Variants in CUX1 observed in about 807,000 individuals in gnomAD.
CUX1 encodes the protein cut like homeobox 1, also known as protein CASP.
In CUX1, 31 loss-of-function variants were observed where a neutral mutation model predicts 158.8. That is an observed-to-expected ratio of 0.20 (90% CI 0.15 to 0.26). CUX1 has a LOEUF of 0.26. CUX1 is among the 10% of genes least tolerant of loss of function. CUX1 has a pLI of 1.00. For missense variants in CUX1, 1,589 were observed against 2,014.6 expected, an observed-to-expected ratio of 0.79 and a Z score of 4.04; for synonymous variants, 879 against 862.1, an observed-to-expected ratio of 1.02 and a Z score of -0.34.
chr7:101,836,915 A>G (rs1794699479), intron 1 of CUX1, among the ~76,000 whole-genome samples: 1 of 151,978 alleles, frequency 6.6e-6, no homozygotes, highest in Non-Finnish European at 1.5e-5. Flanking sequence ...GATGGAAGGA[A>G]CCTGGGCCCT....
intron 4 of CUX1, among the ~76,000 whole-genome samples, chr7:102,080,749 C>T (rs546748650): frequency 5.9e-5 from 9 of 152,338 alleles, no homozygotes; most frequent in Admixed American, 2.0e-4. Context: ...TGTGTCCTTT[C>T]TTCTCACAGG....
At chr7:101,913,459 G>A (rs971985686) in intron 1 of CUX1, 77 of 1,200,096 alleles carry the variant, frequency 6.4e-5, no homozygotes, top group Middle Eastern at 4.6e-4. Flanking sequence ...CTTGCACCGG[G>A]CCACCTGTTT....
intron 20 of CUX1, among the ~76,000 whole-genome samples, chr7:102,219,653 C>T (rs1269194003): frequency 2.0e-5 from 3 of 152,150 alleles, no homozygotes; most frequent in Non-Finnish European, 4.4e-5. Context: ...CTCTGATATT[C>T]CTTAGGATGT....
Position 101,963,666 on chromosome 7 carries a change from T to A in CUX1, c.141+47441T>A, listed in dbSNP as rs567287576. On this transcript the variant is annotated intron_variant, in intron 2 of 23. Coordinates refer to ENST00000292535, the MANE Select transcript of CUX1 (RefSeq NM_181552.4). ...CAAGCCTATGTATATATATATATATTTTAAGAGACCAGGTCTTGCTCTGTT... is the reference window on the plus strand; with the variant it reads ...CAAGCCTATGTATATATATATATATATTAAGAGACCAGGTCTTGCTCTGTT... 1.7e-4 allele frequency among the ~76,000 whole-genome samples: 26 copies of A among 152,144 alleles called. No individual in the cohort carries two copies. In the Middle Eastern group the frequency reaches 0.01, roughly 60 times the overall value.
chr7:102,010,611 A>T (rs149035697), intron 2 of CUX1, among the ~76,000 whole-genome samples: 1 of 152,112 alleles, frequency 6.6e-6, no homozygotes, highest in African/African-American at 2.4e-5. Context: ...ACTCGTTTGT[A>T]TGTGTGTGTG....
intron 1 of CUX1, among the ~76,000 whole-genome samples, chr7:101,834,055 G>A (rs534369642): frequency 7.2e-5 from 11 of 152,110 alleles, no homozygotes; most frequent in African/African-American, 2.6e-4. Flanking sequence ...GATTCTTCCA[G>A]GGAAGAATCT....
rs140337237 is a variant in CUX1 at position 102,011,167 on chromosome 7, C to T, written c.142-16931C>T. On this transcript the variant is annotated intron_variant, in intron 2 of 23. Coordinates refer to ENST00000292535, the MANE Select transcript of CUX1 (RefSeq NM_181552.4). ...TATTGTTATTGACGGTCTCTTTGTT[C>T]GAGTAAGCCGTCTCTGGATATATCA... is the stretch of plus-strand genomic sequence containing the variant. Among the ~76,000 whole-genome samples the T allele has an allele frequency of 3.9e-5, 6 of 152,032 alleles. No individual in the cohort carries two copies. In the East Asian group the frequency reaches 1.2e-3, roughly 29 times the overall value.
At chr7:102,230,239 G>A (rs957516440) in intron 21 of CUX1, among the ~76,000 whole-genome samples, 2 of 152,018 alleles carry the variant, frequency 1.3e-5, no homozygotes, top group Non-Finnish European at 2.9e-5. Flanking sequence ...ACTTTGGGAG[G>A]CTGAGGCAGG....
chr7:102,249,533 C>A lies in CUX1; in HGVS notation c.*491C>A, dbSNP rs1374107914. 2 of 985,728 alleles carry A rather than the reference C, an allele frequency of 2.0e-6. No individual in the cohort carries two copies. Among genetic ancestry groups the A allele is most frequent in the Middle Eastern group, 5.2e-4 (1 of 1,936 alleles). 61.1% of individuals were successfully genotyped at this position (985,728 alleles called of 1,614,324 possible). The stretch of plus-strand genomic sequence containing the variant: ...TCCACAGGTTCTGGAATAACTCTTA[C>A]AGCTTTGCCTTGTGTCCTCCTGTTC... On this transcript the variant is annotated 3_prime_UTR_variant, in exon 24 of 24. Transcript: ENST00000292535.
At chr7:102,174,151 G>A (rs558516016) in intron 10 of CUX1, among the ~76,000 whole-genome samples, 4 of 152,140 alleles carry the variant, frequency 2.6e-5, no homozygotes, top group African/African-American at 9.6e-5. Flanking sequence ...ATGTAGCCCC[G>A]CTCTGTCACC....
chr7:101,963,782 T>C (rs1810804796), intron 2 of CUX1, among the ~76,000 whole-genome samples: 1 of 151,912 alleles, frequency 6.6e-6, no homozygotes, highest in Non-Finnish European at 1.5e-5. Flanking sequence ...CTCCCGATTA[T>C]CTGGGACTAC....
At chr7:101,868,575 C>G (rs1798159227) in intron 1 of CUX1, among the ~76,000 whole-genome samples, 1 of 152,240 alleles carries the variant, frequency 6.6e-6, no homozygotes, top group Non-Finnish European at 1.5e-5. Context: ...ACAGCCAGCC[C>G]TGTGCCCTGT....
At chr7:101,890,491 A>G (rs1023836189) in intron 1 of CUX1, among the ~76,000 whole-genome samples, 2 of 151,986 alleles carry the variant, frequency 1.3e-5, no homozygotes, top group Non-Finnish European at 2.9e-5. Context: ...CTTCGTGGGA[A>G]TCAGCATGAG....
Position 102,181,722 on chromosome 7 carries a change from T to C in CUX1, c.1017+3065T>C, listed in dbSNP as rs568100462. 5.3e-5 allele frequency among the ~76,000 whole-genome samples: 8 copies of C among 152,340 alleles called. 1 individual carries two copies. The highest frequency in any genetic ancestry group is 1.7e-4 in the African/African-American group (7 of 41,584). On this transcript the variant is annotated intron_variant, in intron 11 of 23. Transcript: ENST00000292535. ...GATTTTAATTATCTTAACTCCTTGT[T>C]GCCAGATTGTCCTGATACGAAACCC...
At chr7:102,107,326 G>A (rs1830462379) in intron 6 of CUX1, among the ~76,000 whole-genome samples, 1 of 152,026 alleles carries the variant, frequency 6.6e-6, no homozygotes, top group African/African-American at 2.4e-5. Context: ...ATCACTTGAG[G>A]TCAGGAGTTC....
chr7:102,252,356 C>T lies in CUX1; in HGVS notation c.*3314C>T. ...GCATGGCTCCCCTTCAGCAGGCTGG[C>T]ATTCCAAGCAGTGGCCCCCGCAGGC... is the stretch of plus-strand genomic sequence containing the variant. On this transcript the variant is annotated 3_prime_UTR_variant, in exon 24 of 24. Coordinates refer to ENST00000292535, the MANE Select transcript of CUX1 (RefSeq NM_181552.4). 1.0e-6 allele frequency: 1 copy of T among 985,520 alleles called. No homozygotes were observed. The highest frequency in any genetic ancestry group is 1.2e-6 in the Non-Finnish European group (1 of 829,992). 61.0% of individuals were successfully genotyped at this position (985,520 alleles called of 1,614,324 possible).
chr7:102,023,140 G>C (rs1186863814), intron 2 of CUX1, among the ~76,000 whole-genome samples: 2 of 152,060 alleles, frequency 1.3e-5, no homozygotes, highest in African/African-American at 4.8e-5. Flanking sequence ...GCTTGAACCT[G>C]GGGGGTGGAG....
At chr7:102,216,556 GCA>G (rs1296380741) in intron 20 of CUX1, among the ~76,000 whole-genome samples, 7 of 34,122 alleles carry the variant, frequency 2.1e-4, no homozygotes, top group Admixed American at 4.1e-4. Context: ...ACCCACACAC[GCA>G]CACACACTCC....
At chr7:102,245,473 G>A (rs1800708013) in intron 23 of CUX1, among the ~76,000 whole-genome samples, 1 of 152,156 alleles carries the variant, frequency 6.6e-6, no homozygotes, top group African/African-American at 2.4e-5. Flanking sequence ...GGAAACACAA[G>A]CCCCATGCCT....
Sources: gnomAD v4.1 joint callset for allele counts (sites outside exome capture counted in the v4.1 genomes callset) on GRCh38, gnomAD v4.1.1 for gene constraint, MANE v1.5 for transcripts, NCBI Gene and HGNC (gene_info 2026-07-23, HGNC 2026-07-21) for gene names.